Variants in GFRA4 observed in about 807,000 individuals in gnomAD.
GFRA4 encodes the protein GDNF family receptor alpha 4.
GFRA4 carries 31 observed loss-of-function variants against 28.5 expected under a neutral mutation model. That is an observed-to-expected ratio of 1.09 (90% CI 0.82 to 1.47). The LOEUF (loss-of-function observed/expected upper bound fraction) is 1.47, where lower values mean the gene tolerates loss of function less well. Among genes scored for constraint, GFRA4 ranks in the 40% most tolerant of loss-of-function variants. GFRA4 has a pLI of 0.00. For missense variants in GFRA4, 389 were observed against 413.2 expected (o/e 0.94, Z 0.51); for synonymous variants, 188 against 188.0 (o/e 1.00, Z 0.00).
At position 3,660,929 on chromosome 20, in the gene GFRA4, G is replaced by A; in HGVS notation, c.392+15C>T. On this transcript the variant is annotated intron_variant, in intron 2 of 5. Coordinates refer to ENST00000290417, the MANE Select transcript of GFRA4 (RefSeq NM_022139.4). ...TCCCCACCCTCGCCACGGCCCCGCC[G>A]CCGCCCGCGCGCACCTGCAGACCCG... 2.9e-6 allele frequency: 4 copies of A among 1,378,460 alleles called. No homozygotes were observed. Among genetic ancestry groups the A allele is most frequent in the Admixed American group, 8.0e-5 (2 of 24,938 alleles). 85.4% of individuals were successfully genotyped at this position (1,378,460 alleles called of 1,614,324 possible).
Position 3,662,489 on chromosome 20 carries a change from C to G in GFRA4, c.46+865G>C, listed in dbSNP as rs544808154. On this transcript the variant is annotated intron_variant, in intron 1 of 5. Coordinates refer to ENST00000290417, the MANE Select transcript of GFRA4 (RefSeq NM_022139.4). ...AGGGGCTACGGGGTGGTATCCCCCC[C>G]CCAGGGCTGGGAGCAGGGTGCCTCT... is the stretch of plus-strand genomic sequence containing the variant. 8.3e-3 allele frequency among the ~76,000 whole-genome samples: 1,261 copies of G among 152,314 alleles called. 8 individuals are homozygous for G. Among genetic ancestry groups the G allele is most frequent in the Admixed American group, 0.012 (181 of 15,300 alleles).
chr20:3,659,922 G>A lies in GFRA4; in HGVS notation c.797C>T (p.Pro266Leu), dbSNP rs115789290. Residue 266 changes from proline (P) to leucine (L), a missense_variant, in exon 6 of 6, where the codon CCG becomes CTG. Transcript: ENST00000290417. ...LLSILPVLAL[P>L]ALL is the part of the protein sequence containing the mutation. ...TCGCTGTCCTAATCAGAGCAGGGCC[G>A]GGAGAGCCAGGACAGGAAGTATGGA... is the stretch of plus-strand genomic sequence containing the variant. 2.4e-5 allele frequency: 39 copies of A among 1,596,026 alleles called. 1 individual carries two copies. The East Asian group carries it at 7.9e-4, about 32-fold the overall frequency.
intron 1 of GFRA4, among the ~76,000 whole-genome samples, 197 bp downstream of exon 1, chr20:3,663,157 G>A (rs1039655745): frequency 2.6e-5 from 4 of 152,100 alleles, no homozygotes; most frequent in African/African-American, 4.8e-5. Context: ...GTGGCTTGAC[G>A]GGGCTGGGAG....
chr20:3,662,482 T>TCC (rs10716623), intron 1 of GFRA4, among the ~76,000 whole-genome samples: 1 of 151,966 alleles, frequency 6.6e-6, no homozygotes, highest in Non-Finnish European at 1.5e-5. Flanking sequence ...CGGGGTGGTA[T>TCC]CCCCCCCCCA....
Position 3,660,727 on chromosome 20 carries a change from C to T in GFRA4, c.502+28G>A, listed in dbSNP as rs763750211. 6.2e-6 allele frequency: 9 copies of T among 1,450,020 alleles called. No individual in the cohort carries two copies. The South Asian group carries it at 1.3e-4, about 20-fold the overall frequency. The allele number at this position is 1,450,020 out of a possible 1,614,324, so 89.8% of individuals were successfully genotyped here. On this transcript the variant is annotated intron_variant, in intron 3 of 5. Coordinates refer to ENST00000290417, the MANE Select transcript of GFRA4 (RefSeq NM_022139.4). ...GGAGATATCCCCTGGAGAACCCCCGCCCTCGCCCGGATCCCGGCCGCGCGT... is the reference window on the plus strand; with the variant it reads ...GGAGATATCCCCTGGAGAACCCCCGTCCTCGCCCGGATCCCGGCCGCGCGT...
chr20:3,662,537 G>A (rs6115981), intron 1 of GFRA4, among the ~76,000 whole-genome samples: 1 of 152,164 alleles, frequency 6.6e-6, no homozygotes, highest in Non-Finnish European at 1.5e-5. Context: ...GTGTCTTTCA[G>A]GCTGTGGATT....
At position 3,660,851 on chromosome 20, in the gene GFRA4, C is replaced by T; in HGVS notation, c.406G>A (p.Ala136Thr). 7.0e-7 allele frequency: 1 copy of T among 1,425,308 alleles called. No individual in the cohort carries two copies. The highest frequency in any genetic ancestry group is 9.1e-7 in the Non-Finnish European group (1 of 1,100,470). The allele number at this position is 1,425,308 out of a possible 1,614,324, so 88.3% of individuals were successfully genotyped here. ...GCTGGGGTGCACGAGACCTGAAAGG[C>T]CAGGAGGCGAGGCCTGCGCGGCGGG... ...RSRVCRPRLL[A>T]FQVSCTPAPS... is the part of the protein sequence containing the mutation. Residue 136 changes from alanine (A) to threonine (T), a missense_variant, in exon 3 of 6, where the codon GCC becomes ACC. Physicochemically the swap from Ala to Thr is moderately conservative, Grantham distance 58. Transcript: ENST00000290417.
intron 1 of GFRA4, among the ~76,000 whole-genome samples, chr20:3,662,490 C>T (rs1568787692): frequency 6.6e-6 from 1 of 152,198 alleles, no homozygotes; most frequent in Non-Finnish European, 1.5e-5. Flanking sequence ...TATCCCCCCC[C>T]CAGGGCTGGG....
At chr20:3,660,493 CA>C in intron 4 of GFRA4, 32 bp downstream of exon 4, 1 of 1,524,270 alleles carries the variant, frequency 6.6e-7, no homozygotes, top group African/African-American at 1.4e-5. Context: ...GCGCCGCCCC[CA>C]CTCCCCCTCC....
rs1568785715 is a variant in GFRA4, at chr20:3,659,265, G to C, written c.*644C>G. The C allele has an allele frequency of 1.3e-5, 2 of 154,236 alleles. No individual in the cohort carries two copies. Among genetic ancestry groups the C allele is most frequent in the Middle Eastern group, 6.8e-3 (2 of 294 alleles). The allele number at this position is 154,236 out of a possible 1,614,324, so 9.6% of individuals were successfully genotyped here. On this transcript the variant is annotated 3_prime_UTR_variant, in exon 6 of 6. Transcript: ENST00000290417. ...AAAGCAAGGTCAGTCTCAGCACACA[G>C]ATTTAATAAGCACTGTATGTTATTC...
In GFRA4 at chr20:3,659,727, C is replaced by T. The variant is rs2087195478; in HGVS notation, c.*182G>A. ...GGCTTTACAGTCAGGCCCCAGCCTA[C>T]ATCCCTTGCCCCAGGGGACGGCACA... On this transcript the variant is annotated 3_prime_UTR_variant, in exon 6 of 6. Coordinates refer to ENST00000290417, the MANE Select transcript of GFRA4 (RefSeq NM_022139.4). 3.3e-6 allele frequency: 2 copies of T among 613,914 alleles called. No homozygotes were observed. Among genetic ancestry groups the T allele is most frequent in the East Asian group, 5.7e-5 (2 of 35,224 alleles). 38.0% of individuals were successfully genotyped at this position (613,914 alleles called of 1,614,324 possible). A position where few individuals can be genotyped will look rare whatever the true frequency, so the allele number is the denominator to read the frequency against.
In GFRA4 at chr20:3,661,026, A is replaced by T; in HGVS notation, c.310T>A (p.Ser104Thr). Residue 104 changes from serine to threonine, a missense_variant, in exon 2 of 6, where the codon TCC becomes ACC. Ser to Thr is a moderately conservative substitution (Grantham distance 58, BLOSUM62 1). Transcript: ENST00000290417. The stretch of plus-strand genomic sequence containing the variant: ...GGGCCGGGCCCCGAAAAGGCGCAGG[A>T]GGGCACGAAGGTCTGGCGCCGACGC... ...AERRRQTFVPSCAFSGPGPAP... is the reference protein window; with the variant it reads ...AERRRQTFVPTCAFSGPGPAP... The T allele has an allele frequency of 6.8e-7, 1 of 1,465,294 alleles. No homozygotes were observed. The highest frequency in any genetic ancestry group is 3.1e-5 in the East Asian group (1 of 32,714). The allele number at this position is 1,465,294 out of a possible 1,614,324, so 90.8% of individuals were successfully genotyped here. A position where few individuals can be genotyped will look rare whatever the true frequency, so the allele number is the denominator to read the frequency against.
In GFRA4 at chr20:3,659,636, C is replaced by T; in HGVS notation, c.*273G>A. On this transcript the variant is annotated 3_prime_UTR_variant, in exon 6 of 6. Coordinates refer to ENST00000290417, the MANE Select transcript of GFRA4 (RefSeq NM_022139.4). ...TCCTGACCCCACCTTGTGGGAGACC[C>T]CAGTGGTCTCAAGGTCTGTGAATAA... The T allele has an allele frequency of 1.9e-6, 1 of 520,064 alleles. No homozygotes were observed. Among genetic ancestry groups the T allele is most frequent in the Non-Finnish European group, 3.4e-6 (1 of 290,458 alleles). 32.2% of individuals were successfully genotyped at this position (520,064 alleles called of 1,614,324 possible).
intron 4 of GFRA4, 42 bp from the exon 5 acceptor site, chr20:3,660,291 C>G (rs778448874): frequency 3.3e-6 from 5 of 1,507,498 alleles, no homozygotes; most frequent in Non-Finnish European, 4.5e-6. Context: ...CTGGGAAACC[C>G]TAGCACAGGG....
In GFRA4 at chr20:3,659,698, C is replaced by T. The variant is rs565211804; in HGVS notation, c.*211G>A. On this transcript the variant is annotated 3_prime_UTR_variant, in exon 6 of 6. Transcript: ENST00000290417. Reference sequence around the variant, plus strand: ...ACCAAGATGCCTCCTGACAGGGAGACGGGGGCTTTACAGTCAGGCCCCAGC... The same window carrying T: ...ACCAAGATGCCTCCTGACAGGGAGATGGGGGCTTTACAGTCAGGCCCCAGC... 8.5e-5 allele frequency: 48 copies of T among 564,222 alleles called. No homozygotes were observed. The highest frequency in any genetic ancestry group is 5.5e-4 in the South Asian group (27 of 49,032). The allele number at this position is 564,222 out of a possible 1,614,324, so 35.0% of individuals were successfully genotyped here.
chr20:3,662,452 G>T (rs1258938162), intron 1 of GFRA4, among the ~76,000 whole-genome samples: 1 of 149,412 alleles, frequency 6.7e-6, no homozygotes, highest in Non-Finnish European at 1.5e-5. Context: ...ATCTCCCTGT[G>T]TGTTTGTGCA....
Position 3,661,226 on chromosome 20 carries a change from G to C in GFRA4, c.110C>G (p.Ala37Gly). 1 of 1,501,594 alleles carries C rather than the reference G, an allele frequency of 6.7e-7. No individual in the cohort carries two copies. Among genetic ancestry groups the C allele is most frequent in the African/African-American group, 1.4e-5 (1 of 69,406 alleles). The allele number at this position is 1,501,594 out of a possible 1,614,324, so 93.0% of individuals were successfully genotyped here. A position where few individuals can be genotyped will look rare whatever the true frequency, so the allele number is the denominator to read the frequency against. ...CTCGGAGCGCAAACGCTGGCACCGC[G>C]CGTCCGCCGTGCAGGCTTCGGCCGC... Reference protein sequence around the residue: ...VDAAEACTADARCQRLRSEYV... With the variant: ...VDAAEACTADGRCQRLRSEYV... The change falls in exon 2 of 6, where the codon GCG becomes GGG. Residue 37 changes from alanine to glycine, a missense_variant. Physicochemically the swap from Ala to Gly is moderately conservative, Grantham distance 60. Transcript: ENST00000290417.
chr20:3,661,171 C>A lies in GFRA4; in HGVS notation c.165G>T (p.Ala55=). 1 of 1,425,136 alleles carries A rather than the reference C, an allele frequency of 7.0e-7. No homozygotes were observed. Among genetic ancestry groups the A allele is most frequent in the Non-Finnish European group, 9.1e-7 (1 of 1,095,426 alleles). The allele number at this position is 1,425,136 out of a possible 1,614,324, so 88.3% of individuals were successfully genotyped here. Residue 55 remains alanine, a synonymous_variant, in exon 2 of 6, where the codon GCG becomes GCT. Coordinates refer to ENST00000290417, the MANE Select transcript of GFRA4 (RefSeq NM_022139.4). The part of the protein sequence containing the change: ...EYVAQCLGRA[A]QGGCPRARCR... Reference sequence around the variant, plus strand: ...AGCGGGCGCGGGGACAGCCCCCCTGCGCAGCCCGGCCCAGGCACTGCGCCA... The same window carrying A: ...AGCGGGCGCGGGGACAGCCCCCCTGAGCAGCCCGGCCCAGGCACTGCGCCA...
intron 1 of GFRA4, 26 bp downstream of exon 1, chr20:3,663,328 G>T (rs1447343622): frequency 6.2e-7 from 1 of 1,606,432 alleles, no homozygotes; most frequent in Non-Finnish European, 8.5e-7. Flanking sequence ...AGGGTTCGGG[G>T]TCCAGGGGAA....
Sources: gnomAD v4.1 joint callset for allele counts (sites outside exome capture counted in the v4.1 genomes callset) on GRCh38, gnomAD v4.1.1 for gene constraint, MANE v1.5 for transcripts, NCBI Gene and HGNC (gene_info 2026-07-23, HGNC 2026-07-21) for gene names.